The following AFF4 variants were observed in gnomAD, a reference collection of about 807,000 sequenced individuals.
AFF4 encodes the protein ALF transcription elongation factor 4, also known as AF4/FMR2 family member 4.
AFF4 carries 13 observed loss-of-function variants against 124.8 expected under a neutral mutation model. The observed-to-expected ratio is 0.10, with a 90% CI of 0.07 to 0.17. The LOEUF is 0.17. Ranked by LOEUF, AFF4 falls within the 10% of genes least tolerant of loss-of-function variation. The probability of loss-of-function intolerance (pLI) is 1.00; values close to 1 mark genes in which losing one functional copy is unlikely to be tolerated. For synonymous variants in AFF4, 477 were observed against 496.1 expected (o/e 0.96, Z 0.51); for missense variants, 1,092 against 1,403.8 (o/e 0.78, Z 3.55).
At chr5:132,938,988 A>T (rs1749469366) in intron 1 of AFF4, among the ~76,000 whole-genome samples, 1 of 150,574 alleles carries the variant, frequency 6.6e-6, no homozygotes. Flanking sequence ...TAGAAAAAAA[A>T]AAAAAAAAGG....
intron 5 of AFF4, among the ~76,000 whole-genome samples, chr5:132,923,439 G>A (rs1475526423): frequency 6.6e-6 from 1 of 152,174 alleles, no homozygotes. Context: ...GTGAGTGAGT[G>A]AGTTAGTTTT....
At chr5:132,887,484 C>G (rs376607009) in intron 17 of AFF4, 37 bp downstream of exon 17, 11 of 1,559,694 alleles carry the variant, frequency 7.1e-6, no homozygotes, top group African/African-American at 6.8e-5. Flanking sequence ...TATAGAACTT[C>G]CTGTATCTAG....
rs1335836017 is a variant in AFF4, at chr5:132,892,354, G to C, written c.2447C>G (p.Ala816Gly). ...AKEKDLLPSP[A>G]GPVPSKDPKT... The stretch of plus-strand genomic sequence containing the variant: ...TGGATCTTTTGAAGGAACAGGCCCA[G>C]CGGGAGAAGGCAACAAATCCTTTTC... The change falls in exon 13 of 21, where the codon GCT becomes GGT. Residue 816 changes from alanine to glycine, a missense_variant. Around this residue, in one of 11 missense-constraint regions of AFF4, gnomAD observed 293 missense variants for 280.2 expected, o/e 1.05. Transcript: ENST00000265343. The C allele has an allele frequency of 6.2e-7, 1 of 1,613,850 alleles. No individual in the cohort carries two copies. Among genetic ancestry groups the C allele is most frequent in the Non-Finnish European group, 8.5e-7 (1 of 1,179,896 alleles).
chr5:132,960,525 T>C (rs944104683), intron 1 of AFF4, among the ~76,000 whole-genome samples: 1 of 152,208 alleles, frequency 6.6e-6, no homozygotes, highest in Admixed American at 6.5e-5. Context: ...TCCTCTCAGG[T>C]ACACATAAAA....
intron 1 of AFF4, chr5:132,944,096 G>C (rs1561508430): frequency 6.6e-6 from 1 of 152,190 alleles, no homozygotes; most frequent in African/African-American, 2.4e-5. Context: ...CCAGCACTTT[G>C]GGAGGCTGAG....
At chr5:132,914,283 T>C (rs905249627) in intron 5 of AFF4, among the ~76,000 whole-genome samples, 1 of 150,996 alleles carries the variant, frequency 6.6e-6, no homozygotes, top group African/African-American at 2.4e-5. Flanking sequence ...TAAATGACCT[T>C]AGCTTCCACC....
rs137880200 is a variant in AFF4 at position 132,888,241 on chromosome 5, G to A, written c.2733-81C>T. 8.3e-5 allele frequency: 85 copies of A among 1,027,130 alleles called. No homozygotes were observed. In the East Asian group the frequency reaches 1.7e-3, roughly 21 times the overall value. 63.6% of individuals were successfully genotyped at this position (1,027,130 alleles called of 1,614,324 possible). On this transcript the variant is annotated intron_variant, in intron 14 of 20. Coordinates refer to ENST00000265343, the MANE Select transcript of AFF4 (RefSeq NM_014423.4). ...TCATTTCAGTATCTAGTATCCCTCAGTTTTTATGTCCTCAAGCAAAGAAAA... is the reference window on the plus strand; with the variant it reads ...TCATTTCAGTATCTAGTATCCCTCAATTTTTATGTCCTCAAGCAAAGAAAA...
intron 1 of AFF4, among the ~76,000 whole-genome samples, chr5:132,945,756 CAAAATA>C (rs1338194838): frequency 1.3e-5 from 2 of 149,756 alleles, no homozygotes; most frequent in Non-Finnish European, 3.0e-5. Flanking sequence ...GACTCCATCT[CAAAATA>C]AAAATAAAAA....
intron 1 of AFF4, among the ~76,000 whole-genome samples, chr5:132,959,447 T>C (rs1412104629): frequency 1.3e-5 from 2 of 151,856 alleles, no homozygotes; most frequent in Non-Finnish European, 2.9e-5. Context: ...AAATAAAGAA[T>C]AGCTGATAAA....
At chr5:132,889,849 G>GT (rs924800345) in intron 13 of AFF4, among the ~76,000 whole-genome samples, 2 of 151,938 alleles carry the variant, frequency 1.3e-5, no homozygotes, top group African/African-American at 4.8e-5. Context: ...TGCCCAGGTT[G>GT]ATCTTAAACT....
chr5:132,961,172 C>A (rs1762073340), intron 1 of AFF4, among the ~76,000 whole-genome samples: 1 of 152,108 alleles, frequency 6.6e-6, no homozygotes, highest in East Asian at 2.0e-4. Flanking sequence ...TTGCAGTGAG[C>A]AGAGATGGAG....
At chr5:132,936,160 T>C (rs1355990916) in intron 2 of AFF4, among the ~76,000 whole-genome samples, 1 of 143,168 alleles carries the variant, frequency 7.0e-6, no homozygotes, top group Non-Finnish European at 1.5e-5. Context: ...CCAGCTACTC[T>C]GGAGGCTTAG....
chr5:132,940,330 C>G (rs1040043279), intron 1 of AFF4, among the ~76,000 whole-genome samples: 12 of 151,832 alleles, frequency 7.9e-5, no homozygotes, highest in African/African-American at 2.9e-4. Flanking sequence ...AACCCCATCT[C>G]TACTAAAAAT....
At chr5:132,898,974 CTT>C in intron 9 of AFF4, 128 bp downstream of exon 9, 1 of 822,298 alleles carries the variant, frequency 1.2e-6, no homozygotes, top group Non-Finnish European at 1.9e-6. Flanking sequence ...AATTCAATGA[CTT>C]AATTTACAGA....
Position 132,879,830 on chromosome 5 carries a change from T to C in AFF4, c.*1229A>G. Reference sequence around the variant, plus strand: ...ACACTGAATCAAGTTAGGTACACTTTTCTAGTGTGAAATTTTCTGATTCCA... The same window carrying C: ...ACACTGAATCAAGTTAGGTACACTTCTCTAGTGTGAAATTTTCTGATTCCA... On this transcript the variant is annotated 3_prime_UTR_variant, in exon 21 of 21. Coordinates refer to ENST00000265343, the MANE Select transcript of AFF4 (RefSeq NM_014423.4). 4.3e-6 allele frequency: 1 copy of C among 233,186 alleles called. No homozygotes were observed. The highest frequency in any genetic ancestry group is 2.2e-5 in the African/African-American group (1 of 45,408). The allele number at this position is 233,186 out of a possible 1,614,324, so 14.4% of individuals were successfully genotyped here.
chr5:132,900,393 C>T (rs1760520067), intron 7 of AFF4, among the ~76,000 whole-genome samples: 1 of 152,118 alleles, frequency 6.6e-6, no homozygotes, highest in African/African-American at 2.4e-5. Flanking sequence ...CCTGTCTCTA[C>T]TAAAAATACA....
intron 4 of AFF4, among the ~76,000 whole-genome samples, chr5:132,928,834 T>G (rs1761238995): frequency 6.6e-6 from 1 of 152,188 alleles, no homozygotes; most frequent in East Asian, 1.9e-4. Context: ...ATATTACTAC[T>G]TGAACCTCTT....
At chr5:132,927,001 C>T (rs1761187999) in intron 5 of AFF4, 120 bp downstream of exon 5, 1 of 748,488 alleles carries the variant, frequency 1.3e-6, no homozygotes, top group Non-Finnish European at 2.2e-6. Flanking sequence ...TATTTATTCA[C>T]TTATTTACTG....
At chr5:132,900,499 G>A (rs1760524626) in intron 7 of AFF4, among the ~76,000 whole-genome samples, 1 of 152,130 alleles carries the variant, frequency 6.6e-6, no homozygotes, top group Admixed American at 6.5e-5. Context: ...GCTGGAGGTT[G>A]CAGTGAGCCG....
Sources: gnomAD v4.1 joint callset for allele counts (sites outside exome capture counted in the v4.1 genomes callset) on GRCh38, gnomAD v4.1.1 for gene constraint, gnomAD v4.1.1 regional missense constraint, MANE v1.5 for transcripts, NCBI Gene and HGNC (gene_info 2026-07-23, HGNC 2026-07-21) for gene names.